C4BPB: variants seen among roughly 807,000 people sequenced by gnomAD.
C4BPB encodes C4b-binding protein beta chain.
C4BPB carries 19 observed loss-of-function variants against 26.6 expected under a neutral mutation model. That is an observed-to-expected ratio of 0.71 (90% confidence interval 0.50 to 1.05). The LOEUF is 1.05. Among genes scored for constraint, C4BPB ranks in the 50% least tolerant of loss-of-function variants. The pLI is 0.00. For missense variants in C4BPB, 282 were observed against 302.9 expected (o/e 0.93, Z 0.51); for synonymous variants, 118 against 103.5 (o/e 1.14, Z -0.85).
chr1:207,094,355 G>A (rs1455092419), intron 4 of C4BPB, among the ~76,000 whole-genome samples: 3 of 151,836 alleles, frequency 2.0e-5, no homozygotes, highest in South Asian at 2.1e-4. Flanking sequence ...GGCAGTTTAA[G>A]AGCACAAACT....
chr1:207,099,931 A>G lies in C4BPB; in HGVS notation c.*2A>G. The G allele has an allele frequency of 6.2e-7, 1 of 1,609,558 alleles. No individual in the cohort carries two copies. Among genetic ancestry groups the G allele is most frequent in the East Asian group, 2.2e-5 (1 of 44,852 alleles). ...GAGTTGAAGGCAAAATTGTTGTAAC[A>G]CTACAGCTGAGCAGATGTAATAGAA... On this transcript the variant is annotated 3_prime_UTR_variant, in exon 7 of 7. Transcript: ENST00000367078.
chr1:207,089,710 A>G (rs1683948778), intron 2 of C4BPB, 121 bp downstream of exon 2: 1 of 809,908 alleles, frequency 1.2e-6, no homozygotes, highest in Non-Finnish European at 2.0e-6. Flanking sequence ...TCTTCTATTG[A>G]AAAATCTCAA....
At chr1:207,097,038 T>C (rs908115940) in intron 5 of C4BPB, among the ~76,000 whole-genome samples, 8 of 152,188 alleles carry the variant, frequency 5.3e-5, no homozygotes, top group African/African-American at 1.7e-4. Flanking sequence ...CTGGGCGTGG[T>C]GGCACACTCC....
intron 6 of C4BPB, among the ~76,000 whole-genome samples, chr1:207,099,265 T>C (rs1234935837): frequency 1.3e-5 from 2 of 152,212 alleles, no homozygotes; most frequent in African/African-American, 4.8e-5. Context: ...GGTTTCACGC[T>C]CTTATGAGAA....
At chr1:207,096,377 A>T (rs1684249436) in intron 4 of C4BPB, 145 bp from the exon 5 acceptor site, 3 of 664,740 alleles carry the variant, frequency 4.5e-6, no homozygotes, top group Non-Finnish European at 8.2e-6. Context: ...CAGATCCCGC[A>T]GGTGTTGCTG....
At chr1:207,096,469 C>T in intron 4 of C4BPB, 53 bp from the exon 5 acceptor site, 1 of 1,062,726 alleles carries the variant, frequency 9.4e-7, no homozygotes. Context: ...GGGTGCTGTT[C>T]ATTGAGCGTG....
At chr1:207,090,544 A>C (rs1211726511) in intron 3 of C4BPB, 63 bp downstream of exon 3, 2 of 1,426,832 alleles carry the variant, frequency 1.4e-6, no homozygotes, top group Non-Finnish European at 1.9e-6. Context: ...TTCACATCCT[A>C]CTTCCTATAG....
At chr1:207,089,961 T>C (rs940408516) in intron 2 of C4BPB, among the ~76,000 whole-genome samples, 14 of 152,214 alleles carry the variant, frequency 9.2e-5, no homozygotes, top group Non-Finnish European at 2.1e-4. Context: ...ATTCCTGTTA[T>C]ACTTTTGAAA....
chr1:207,095,284 T>A, intron 4 of C4BPB: 1 of 456,698 alleles, frequency 2.2e-6, no homozygotes, highest in Non-Finnish European at 4.4e-6. Flanking sequence ...CTGCTTTCTT[T>A]CCACAGTTCC....
At chr1:207,094,211 C>T (rs368995390) in intron 4 of C4BPB, among the ~76,000 whole-genome samples, 8 of 152,024 alleles carry the variant, frequency 5.3e-5, no homozygotes, top group African/African-American at 1.9e-4. Context: ...CGTGGCAGTG[C>T]ATACCTGCAG....
At chr1:207,095,022 A>G (rs1259212699) in intron 4 of C4BPB, 1 of 260,272 alleles carries the variant, frequency 3.8e-6, no homozygotes, top group Non-Finnish European at 7.6e-6. Flanking sequence ...TGCTGTTTTT[A>G]CTCAACCATT....
chr1:207,097,918 T>C (rs1192717880), intron 5 of C4BPB: 2 of 408,272 alleles, frequency 4.9e-6, no homozygotes, highest in Non-Finnish European at 8.8e-6. Flanking sequence ...TTCTCACTTC[T>C]CTATGTTTTA....
chr1:207,095,719 G>A, intron 4 of C4BPB: 1 of 324,770 alleles, frequency 3.1e-6, no homozygotes, highest in Non-Finnish European at 6.0e-6. Flanking sequence ...AGTGTTGGAG[G>A]TGGTGCTTGG....
intron 5 of C4BPB, chr1:207,097,929 T>C (rs1480014144): frequency 1.6e-5 from 7 of 446,286 alleles, no homozygotes; most frequent in Non-Finnish European, 2.4e-5. Flanking sequence ...CTATGTTTTA[T>C]GGGTTGACTC....
chr1:207,091,330 T>A (rs1198763834), intron 3 of C4BPB, among the ~76,000 whole-genome samples: 1 of 152,226 alleles, frequency 6.6e-6, no homozygotes, highest in East Asian at 1.9e-4. Flanking sequence ...ATAGTCTCAC[T>A]ATTTTGAGCC....
intron 5 of C4BPB, 32 bp from the exon 6 acceptor site, chr1:207,098,118 A>G: frequency 6.4e-7 from 1 of 1,562,788 alleles, no homozygotes; most frequent in Non-Finnish European, 8.8e-7. Context: ...CAGAAAGTGG[A>G]AAAGCTAAGC....
chr1:207,098,874 G>A (rs1270738244), intron 6 of C4BPB, among the ~76,000 whole-genome samples: 1 of 152,038 alleles, frequency 6.6e-6, no homozygotes, highest in East Asian at 1.9e-4. Flanking sequence ...TCATCTGGGA[G>A]TGATGAGAGA....
At chr1:207,091,977 C>A in intron 4 of C4BPB, 157 bp downstream of exon 4, 1 of 605,412 alleles carries the variant, frequency 1.7e-6, no homozygotes, top group Non-Finnish European at 2.8e-6. Flanking sequence ...GCTCACAGAA[C>A]CAAATCTCAC....
Position 207,099,798 on chromosome 1 carries a change from C to T in C4BPB, c.628C>T (p.Gln210Ter). The change falls in exon 7 of 7, where the codon CAG becomes TAG. Residue 210 changes from glutamine (Q) to a stop codon, truncating the protein, a stop_gained. Transcript: ENST00000367078. LOFTEE classifies it low-confidence loss of function (END_TRUNC). ...PECEKALLAF[Q>*]ESKNLCEAME... Reference sequence around the variant, plus strand: ...AATTTTCTTTCTTCAGCTTGCCTTTCAGGAGAGTAAGAACCTCTGCGAAGC... The same window carrying T: ...AATTTTCTTTCTTCAGCTTGCCTTTTAGGAGAGTAAGAACCTCTGCGAAGC... 1 of 1,611,810 alleles carries T rather than the reference C, an allele frequency of 6.2e-7. No individual in the cohort carries two copies. The highest frequency in any genetic ancestry group is 8.5e-7 in the Non-Finnish European group (1 of 1,179,342).
Sources: allele counts gnomAD v4.1 joint callset (sites outside exome capture counted in the v4.1 genomes callset), GRCh38; gene constraint gnomAD v4.1.1; transcripts MANE v1.5; gene names NCBI Gene and HGNC (gene_info 2026-07-23, HGNC 2026-07-21).